Variants in RANBP10 observed in about 807,000 individuals in gnomAD.
RANBP10 encodes ran-binding protein 10.
In RANBP10, 24 loss-of-function variants were observed where a neutral mutation model predicts 72.8. That is an observed-to-expected ratio of 0.33 (90% CI 0.24 to 0.46). The LOEUF is 0.46. RANBP10 is among the 20% of genes least tolerant of loss of function. The pLI is 1.00. For synonymous variants in RANBP10, 310 were observed against 322.3 expected (o/e 0.96, Z 0.41); for missense variants, 679 against 817.5 (o/e 0.83, Z 2.07).
Position 67,767,059 on chromosome 16 carries a change from C to T in RANBP10, c.400+4975G>A, listed in dbSNP as rs566077243. Among the ~76,000 whole-genome samples, 184 of 152,252 alleles carry T rather than the reference C, an allele frequency of 1.2e-3. 2 individuals are homozygous for T. The highest frequency in any genetic ancestry group is 3.8e-3 in the African/African-American group (158 of 41,554). On this transcript the variant is annotated intron_variant, in intron 3 of 13. Transcript: ENST00000317506. The stretch of plus-strand genomic sequence containing the variant: ...TTTCCCTTGCCAAAGAGAAGTGCAC[C>T]CATGAGGAAAATAGATTTTCCTACA...
At chr16:67,773,232 TAA>T (rs1363371119) in intron 2 of RANBP10, among the ~76,000 whole-genome samples, 2 of 152,116 alleles carry the variant, frequency 1.3e-5, no homozygotes, top group East Asian at 1.9e-4. Context: ...TCTGGTTGTT[TAA>T]AAGAGTATAG....
At chr16:67,781,292 C>G (rs904559267) in intron 2 of RANBP10, among the ~76,000 whole-genome samples, 11 of 152,158 alleles carry the variant, frequency 7.2e-5, no homozygotes, top group African/African-American at 2.7e-4. Context: ...CTTGAGATTA[C>G]CAAGGAGAAA....
At chr16:67,798,808 G>T (rs183474834) in intron 2 of RANBP10, among the ~76,000 whole-genome samples, 1 of 152,322 alleles carries the variant, frequency 6.6e-6, no homozygotes, top group Non-Finnish European at 1.5e-5. Flanking sequence ...GGCTGAACCA[G>T]ACTGGCAGAG....
At chr16:67,744,506 A>C in intron 3 of RANBP10, 51 bp from the exon 4 acceptor site, 1 of 1,536,010 alleles carries the variant, frequency 6.5e-7, no homozygotes, top group Non-Finnish European at 8.8e-7. Flanking sequence ...AGGGAGGAAC[A>C]AGACAAGTCA....
chr16:67,736,311 G>A (rs1384565179), intron 5 of RANBP10, among the ~76,000 whole-genome samples: 1 of 152,052 alleles, frequency 6.6e-6, no homozygotes. Context: ...ACAGGCATGC[G>A]CCACCACGCC....
intron 5 of RANBP10, among the ~76,000 whole-genome samples, chr16:67,737,524 G>T (rs2053877843): frequency 6.6e-6 from 1 of 152,022 alleles, no homozygotes; most frequent in South Asian, 2.1e-4. Context: ...CCTTTTCTAA[G>T]AAGAGAAGAC....
At chr16:67,765,199 CAAAAAAAAAAAAA>C (rs569942198) in intron 3 of RANBP10, among the ~76,000 whole-genome samples, 8 of 11,652 alleles carry the variant, frequency 6.9e-4, no homozygotes, top group East Asian at 5.4e-3. Flanking sequence ...GACTCCATCT[CAAAAAAAAAAAAA>C]AAAAAAAAAA....
intron 3 of RANBP10, among the ~76,000 whole-genome samples, chr16:67,753,481 T>C (rs897118821): frequency 7.9e-5 from 12 of 151,950 alleles, no homozygotes; most frequent in African/African-American, 2.7e-4. Flanking sequence ...GCAATAAAGA[T>C]TCTATTTATA....
At chr16:67,767,623 G>A (rs995447362) in intron 3 of RANBP10, among the ~76,000 whole-genome samples, 2 of 150,454 alleles carry the variant, frequency 1.3e-5, no homozygotes, top group African/African-American at 2.4e-5. Flanking sequence ...TTGAGACGGC[G>A]TCTCGCTCTT....
intron 2 of RANBP10, among the ~76,000 whole-genome samples, chr16:67,782,596 G>A (rs1219371724): frequency 6.6e-6 from 1 of 151,872 alleles, no homozygotes; most frequent in Non-Finnish European, 1.5e-5. Context: ...GGACTACAAG[G>A]CGTGCGCTAC....
intron 6 of RANBP10, among the ~76,000 whole-genome samples, chr16:67,734,269 C>A (rs2053794287): frequency 6.6e-6 from 1 of 152,254 alleles, no homozygotes. Flanking sequence ...CTGGTCACTG[C>A]CTCACTCAGG....
intron 4 of RANBP10, among the ~76,000 whole-genome samples, chr16:67,740,886 T>G (rs2053956428): frequency 6.6e-6 from 1 of 152,200 alleles, no homozygotes; most frequent in African/African-American, 2.4e-5. Context: ...GGACTGAATC[T>G]GGAAATCTCT....
chr16:67,801,378 T>C (rs1463637540), intron 2 of RANBP10, among the ~76,000 whole-genome samples: 1 of 151,818 alleles, frequency 6.6e-6, no homozygotes, highest in Non-Finnish European at 1.5e-5. Flanking sequence ...ACAGCTACAA[T>C]GGGGAAAGGC....
intron 2 of RANBP10, among the ~76,000 whole-genome samples, chr16:67,804,895 C>G (rs1248156385): frequency 2.0e-5 from 3 of 152,116 alleles, no homozygotes. Context: ...AGTCCTTGGA[C>G]TGAAAAACAA....
intron 2 of RANBP10, among the ~76,000 whole-genome samples, chr16:67,804,347 T>C (rs1280155052): frequency 6.6e-6 from 1 of 151,958 alleles, no homozygotes; most frequent in Non-Finnish European, 1.5e-5. Context: ...TCCCCTATGA[T>C]TTCCTGTGTC....
At chr16:67,750,319 ACT>A (rs760598570) in intron 3 of RANBP10, among the ~76,000 whole-genome samples, 3 of 151,994 alleles carry the variant, frequency 2.0e-5, no homozygotes, top group Non-Finnish European at 4.4e-5. Flanking sequence ...AGTGGTATCC[ACT>A]CTGTCCTCCC....
chr16:67,772,090 C>CAAAAA lies in RANBP10; in HGVS notation c.348-9_348-5dup, dbSNP rs35741053. On this transcript the variant is annotated splice_polypyrimidine_tract_variant and splice_region_variant and intron_variant, in intron 2 of 13. Coordinates refer to ENST00000317506, the MANE Select transcript of RANBP10 (RefSeq NM_020850.3). ...CGAGAGTCCTATTCCCATGTAACTT[C>CAAAAA]AAAAAAAAAAAAAAAAAAAACACAA... 145 of 1,316,110 alleles carry CAAAAA rather than the reference C, an allele frequency of 1.1e-4. No homozygotes were observed. Among genetic ancestry groups the CAAAAA allele is most frequent in the South Asian group, 3.7e-4 (23 of 61,966 alleles). The allele number at this position is 1,316,110 out of a possible 1,614,324, so 81.5% of individuals were successfully genotyped here. A position where few individuals can be genotyped will look rare whatever the true frequency, so the allele number is the denominator to read the frequency against.
chr16:67,733,720 G>A (rs887878484), intron 6 of RANBP10, among the ~76,000 whole-genome samples: 46 of 152,140 alleles, frequency 3.0e-4, no homozygotes, highest in African/African-American at 1.0e-3. Flanking sequence ...TGCCTGTGAT[G>A]CCAGCTACTC....
intron 2 of RANBP10, among the ~76,000 whole-genome samples, chr16:67,796,149 C>A (rs1463537574): frequency 6.6e-6 from 1 of 152,070 alleles, no homozygotes. Flanking sequence ...AACTCCTGAC[C>A]TTGTGATCCG....
Sources: allele counts gnomAD v4.1 joint callset (sites outside exome capture counted in the v4.1 genomes callset), GRCh38; gene constraint gnomAD v4.1.1; transcripts MANE v1.5; gene names NCBI Gene and HGNC (gene_info 2026-07-23, HGNC 2026-07-21).